The following ADAMTS19 variants were observed in gnomAD, a reference collection of about 807,000 sequenced individuals.
ADAMTS19 encodes the protein A disintegrin and metalloproteinase with thrombospondin motifs 19.
In ADAMTS19, 93 loss-of-function variants were observed where a neutral mutation model predicts 153.3. That is an observed-to-expected ratio of 0.61 (90% CI 0.51 to 0.72). The LOEUF is 0.72. Among genes scored for constraint, ADAMTS19 ranks in the 30% least tolerant of loss-of-function variants. The pLI is 0.00. For missense variants in ADAMTS19, 1,482 were observed against 1,552.1 expected, an observed-to-expected ratio of 0.95 and a Z score of 0.76; for synonymous variants, 600 against 556.6, an observed-to-expected ratio of 1.08 and a Z score of -1.10.
chr5:129,694,774 T>C lies in ADAMTS19; in HGVS notation c.2873T>C (p.Ile958Thr), dbSNP rs1353784104. 6.2e-7 allele frequency: 1 copy of C among 1,610,472 alleles called. No homozygotes were observed. Among genetic ancestry groups the C allele is most frequent in the Non-Finnish European group, 8.5e-7 (1 of 1,178,158 alleles). The change falls in exon 19 of 23, where the codon ATT becomes ACT. Residue 958 changes from isoleucine to threonine, a missense_variant. Coordinates refer to ENST00000274487, the MANE Select transcript of ADAMTS19 (RefSeq NM_133638.6). ...CTKIMSKNIS[I>T]VDNEKCKYLT... is the part of the protein sequence containing the mutation. ...AAAATCATGAGCAAAAATATCAGCA[T>C]TGTGGACAATGAGAAATGCAAATAC...
At chr5:129,641,827 C>A in intron 10 of ADAMTS19, 32 bp from the exon 11 acceptor site, 2 of 1,404,388 alleles carry the variant, frequency 1.4e-6, no homozygotes, top group Non-Finnish European at 2.0e-6. Context: ...GTGATACCTT[C>A]CCCTTATTAG....
chr5:129,528,674 C>T lies in ADAMTS19; in HGVS notation c.1325C>T (p.Thr442Ile). 1 of 1,582,104 alleles carries T rather than the reference C, an allele frequency of 6.3e-7. No individual in the cohort carries two copies. The highest frequency in any genetic ancestry group is 8.6e-7 in the Non-Finnish European group (1 of 1,166,808). The change falls in exon 6 of 23, where the codon ACA becomes ATA. Residue 442 changes from threonine to isoleucine, a missense_variant. Coordinates refer to ENST00000274487, the MANE Select transcript of ADAMTS19 (RefSeq NM_133638.6). ...TCAGTGGATGCAGCTATACTTATAA[C>T]AAGGTAAATTTTCCAATGCCAATTA... ...MTSVDAAILITRKDFCVHKDE... is the reference protein window; with the variant it reads ...MTSVDAAILIIRKDFCVHKDE...
At chr5:129,500,229 T>C (rs2126708451) in intron 2 of ADAMTS19, 1 of 152,296 alleles carries the variant, frequency 6.6e-6, no homozygotes, top group South Asian at 2.1e-4. Flanking sequence ...AGAGTCCTTG[T>C]CATTTCTGCA....
intron 2 of ADAMTS19, among the ~76,000 whole-genome samples, chr5:129,479,505 G>A (rs1750340087): frequency 6.6e-6 from 1 of 152,052 alleles, no homozygotes. Context: ...ATAAATAAAA[G>A]GTATTCAGAT....
intron 16 of ADAMTS19, among the ~76,000 whole-genome samples, chr5:129,667,353 T>A (rs181434432): frequency 6.6e-6 from 1 of 152,300 alleles, no homozygotes; most frequent in Admixed American, 6.5e-5. Context: ...TTATTTGATG[T>A]AAATTATCAA....
chr5:129,653,712 G>GT (rs1284478469), intron 13 of ADAMTS19, among the ~76,000 whole-genome samples: 3 of 152,088 alleles, frequency 2.0e-5, no homozygotes, highest in Non-Finnish European at 4.4e-5. Flanking sequence ...TAACAGAAAT[G>GT]TTTTTTACAA....
intron 6 of ADAMTS19, among the ~76,000 whole-genome samples, chr5:129,536,881 G>A (rs1480388042): frequency 4.0e-5 from 6 of 151,326 alleles, no homozygotes; most frequent in African/African-American, 1.5e-4. Context: ...GACACAGGAA[G>A]GGGAACATCA....
chr5:129,627,955 A>G (rs1752126928), intron 10 of ADAMTS19, among the ~76,000 whole-genome samples: 1 of 152,092 alleles, frequency 6.6e-6, no homozygotes, highest in South Asian at 2.1e-4. Flanking sequence ...TACTGAGTAT[A>G]TACCCAAAGC....
intron 16 of ADAMTS19, among the ~76,000 whole-genome samples, chr5:129,671,035 G>A (rs1160888362): frequency 6.6e-6 from 1 of 152,146 alleles, no homozygotes; most frequent in Non-Finnish European, 1.5e-5. Flanking sequence ...CTGCTCTGGA[G>A]ATTAAATCAA....
intron 2 of ADAMTS19, among the ~76,000 whole-genome samples, chr5:129,492,541 ATATG>A (rs761875850): frequency 1.5e-5 from 2 of 132,638 alleles, no homozygotes; most frequent in South Asian, 4.7e-4. Flanking sequence ...GTATGTGTAT[ATATG>A]TATGTATGTG....
chr5:129,614,075 A>T lies in ADAMTS19; in HGVS notation c.1479-6543A>T, dbSNP rs1313034423. 3.9e-5 allele frequency among the ~76,000 whole-genome samples: 6 copies of T among 152,324 alleles called. No homozygotes were observed. The East Asian group carries it at 9.7e-4, about 25-fold the overall frequency. On this transcript the variant is annotated intron_variant, in intron 8 of 22. Coordinates refer to ENST00000274487, the MANE Select transcript of ADAMTS19 (RefSeq NM_133638.6). Reference sequence around the variant, plus strand: ...TACCAACCAAAAAAAGTCCAAGACCAGACGGATTCACAGCAGAATTCTACC... The same window carrying T: ...TACCAACCAAAAAAAGTCCAAGACCTGACGGATTCACAGCAGAATTCTACC...
intron 21 of ADAMTS19, among the ~76,000 whole-genome samples, chr5:129,712,848 A>G (rs1286813329): frequency 6.6e-6 from 1 of 152,058 alleles, no homozygotes; most frequent in Admixed American, 6.6e-5. Context: ...TCTCTCCCCT[A>G]CGTGTGTGTA....
At chr5:129,716,529 A>AT in intron 21 of ADAMTS19, among the ~76,000 whole-genome samples, 1 of 149,340 alleles carries the variant, frequency 6.7e-6, no homozygotes, top group African/African-American at 2.5e-5. Context: ...TTAACCCAAA[A>AT]TTCCTGATCT....
Position 129,528,692 on chromosome 5 carries a change from G to A in ADAMTS19, c.1328+15G>A, listed in dbSNP as rs765226899. ...CTTATAACAAGGTAAATTTTCCAAT[G>A]CCAATTAAATGGCATTCCTAATTCA... On this transcript the variant is annotated intron_variant, in intron 6 of 22. Coordinates refer to ENST00000274487, the MANE Select transcript of ADAMTS19 (RefSeq NM_133638.6). 5 of 1,575,586 alleles carry A rather than the reference G, an allele frequency of 3.2e-6. No individual in the cohort carries two copies. Among genetic ancestry groups the A allele is most frequent in the South Asian group, 1.2e-5 (1 of 85,082 alleles).
intron 7 of ADAMTS19, among the ~76,000 whole-genome samples, chr5:129,574,588 A>C (rs1754034858): frequency 6.6e-6 from 1 of 152,092 alleles, no homozygotes; most frequent in Non-Finnish European, 1.5e-5. Flanking sequence ...GCTGGGATTC[A>C]AACCCTACAG....
At chr5:129,481,870 G>T (rs1750423569) in intron 2 of ADAMTS19, among the ~76,000 whole-genome samples, 1 of 152,056 alleles carries the variant, frequency 6.6e-6, no homozygotes. Context: ...TTTGCCCTAA[G>T]ATCTCCAGGA....
At chr5:129,613,190 T>C (rs1751320560) in intron 8 of ADAMTS19, among the ~76,000 whole-genome samples, 1 of 152,128 alleles carries the variant, frequency 6.6e-6, no homozygotes, top group African/African-American at 2.4e-5. Context: ...GTGGACCTAA[T>C]AGACATCTAC....
At chr5:129,619,764 A>G (rs1276056973) in intron 8 of ADAMTS19, among the ~76,000 whole-genome samples, 1 of 152,028 alleles carries the variant, frequency 6.6e-6, no homozygotes, top group African/African-American at 2.4e-5. Context: ...TAACTATAGG[A>G]TAGAAGGGAG....
At chr5:129,491,928 C>T (rs529896762) in intron 2 of ADAMTS19, among the ~76,000 whole-genome samples, 2 of 152,156 alleles carry the variant, frequency 1.3e-5, no homozygotes, top group South Asian at 4.1e-4. Context: ...TATAAACATG[C>T]CTGGAAGAAA....
Sources: allele counts gnomAD v4.1 joint callset (sites outside exome capture counted in the v4.1 genomes callset), GRCh38; gene constraint gnomAD v4.1.1; transcripts MANE v1.5; gene names NCBI Gene and HGNC (gene_info 2026-07-23, HGNC 2026-07-21).